Variants in PDE1A observed in about 807,000 individuals in gnomAD.
PDE1A encodes phosphodiesterase 1A.
Under a neutral mutation model 61.7 loss-of-function variants are expected in PDE1A, and 35 were observed. That is an observed-to-expected ratio of 0.57 (90% CI 0.43 to 0.75). The LOEUF is 0.75. PDE1A is among the 30% of genes least tolerant of loss of function. PDE1A has a pLI of 0.00. For missense variants in PDE1A, 597 were observed against 630.6 expected, an observed-to-expected ratio of 0.95 and a Z score of 0.57; for synonymous variants, 232 against 213.2, an observed-to-expected ratio of 1.09 and a Z score of -0.77.
chr2:182,635,496 G>GAAAAATATT, the PDE1A span, among the ~76,000 whole-genome samples: 1 of 151,964 alleles, frequency 6.6e-6, no homozygotes, highest in Non-Finnish European at 1.5e-5. Context: ...TTTATCAAAT[G>GAAAAATATT]AAAAATATTT....
chr2:182,215,010 G>T (rs1342717797), intron 7 of PDE1A, among the ~76,000 whole-genome samples: 2 of 77,028 alleles, frequency 2.6e-5, no homozygotes, highest in African/African-American at 1.0e-4. Context: ...ACCACATACT[G>T]GGAAGTAAAG....
chr2:182,451,477 G>C (rs13387691), intron 2 of PDE1A, among the ~76,000 whole-genome samples: 4 of 151,892 alleles, frequency 2.6e-5, no homozygotes, highest in African/African-American at 9.7e-5. Flanking sequence ...ACACTCCCCA[G>C]ATCTATTTCT....
chr2:182,385,625 GA>G (rs1700987862), intron 1 of PDE1A, among the ~76,000 whole-genome samples: 8 of 70,122 alleles, frequency 1.1e-4, no homozygotes, highest in Admixed American at 3.3e-4. Context: ...GAAACAGAAA[GA>G]AAGAAAGAAA....
At chr2:182,622,866 G>A in the PDE1A span, among the ~76,000 whole-genome samples, 456 of 152,258 alleles carry the variant, frequency 3.0e-3, 3 homozygotes, top group African/African-American at 0.01. Context: ...ACAGATTCAA[G>A]GACATATTCA....
chr2:182,306,286 AG>A, intron 1 of PDE1A, among the ~76,000 whole-genome samples: 1 of 152,292 alleles, frequency 6.6e-6, no homozygotes, highest in South Asian at 2.1e-4. Context: ...GTCATGCTGC[AG>A]TGAACATGGG....
At chr2:182,246,401 C>CTTTTTTTTTTTTTTTTTTTT in intron 2 of PDE1A, among the ~76,000 whole-genome samples, 1 of 61,514 alleles carries the variant, frequency 1.6e-5, no homozygotes. Flanking sequence ...TTTCTTTTTT[C>CTTTTTTTTTTTTTTTTTTTT]TTTCTTTTTT....
chr2:182,209,976 G>C (rs1221450092), intron 7 of PDE1A, among the ~76,000 whole-genome samples: 1 of 152,156 alleles, frequency 6.6e-6, no homozygotes, highest in African/African-American at 2.4e-5. Context: ...CCGATTGATA[G>C]CTAATTTCCT....
At chr2:182,591,925 C>G in the PDE1A span, among the ~76,000 whole-genome samples, 58 of 152,204 alleles carry the variant, frequency 3.8e-4, no homozygotes, top group Non-Finnish European at 3.1e-4. Flanking sequence ...GGACACCTAC[C>G]AGTGCTCATC....
intron 2 of PDE1A, among the ~76,000 whole-genome samples, chr2:182,255,758 A>G (rs1240533244): frequency 6.6e-6 from 1 of 150,850 alleles, no homozygotes; most frequent in South Asian, 2.1e-4. Flanking sequence ...CCTGAGTTCA[A>G]GCGATTCTCC....
chr2:182,389,099 T>A (rs181631063), intron 1 of PDE1A, among the ~76,000 whole-genome samples: 51 of 152,264 alleles, frequency 3.3e-4, no homozygotes, highest in Non-Finnish European at 6.6e-4. Flanking sequence ...ATAAGTTCAA[T>A]CAAGTTCAAG....
At chr2:182,178,471 T>G (rs1053276594) in intron 13 of PDE1A, among the ~76,000 whole-genome samples, 22 of 152,150 alleles carry the variant, frequency 1.4e-4, no homozygotes, top group African/African-American at 5.1e-4. Flanking sequence ...TTCAAGAGAC[T>G]TAGACAGTTA....
intron 2 of PDE1A, among the ~76,000 whole-genome samples, chr2:182,253,197 G>T (rs1691527183): frequency 6.6e-6 from 1 of 152,172 alleles, no homozygotes; most frequent in African/African-American, 2.4e-5. Context: ...TGAAGAACAT[G>T]AATTTGGAGC....
chr2:182,349,785 C>T (rs1698751842), intron 1 of PDE1A, among the ~76,000 whole-genome samples: 1 of 152,046 alleles, frequency 6.6e-6, no homozygotes, highest in African/African-American at 2.4e-5. Flanking sequence ...CAAAAGCACA[C>T]AAACATAAAG....
the PDE1A span, among the ~76,000 whole-genome samples, chr2:182,648,847 A>G: frequency 6.6e-6 from 1 of 152,234 alleles, no homozygotes; most frequent in African/African-American, 2.4e-5. Flanking sequence ...TTTATCATCT[A>G]TACAAAAGAA....
chr2:182,251,925 T>C (rs2623421), intron 2 of PDE1A, among the ~76,000 whole-genome samples: 11,794 of 152,148 alleles, frequency 0.078, 1,250 homozygotes, highest in African/African-American at 0.24. Flanking sequence ...AATGTGTCCT[T>C]AGTAGAGCAG....
intron 7 of PDE1A, among the ~76,000 whole-genome samples, chr2:182,206,979 T>C (rs1687159263): frequency 6.6e-6 from 1 of 152,184 alleles, no homozygotes; most frequent in African/African-American, 2.4e-5. Context: ...ATCAAACCTC[T>C]TTTCTTGATA....
At position 182,287,477 on chromosome 2, in the gene PDE1A, G is replaced by A. The variant is rs139763551; in HGVS notation, c.54-23063C>T. 7.3e-3 allele frequency among the ~76,000 whole-genome samples: 1,111 copies of A among 152,200 alleles called. 9 individuals carry two copies. The highest frequency in any genetic ancestry group is 0.014 in the Middle Eastern group (4 of 294). Reference sequence around the variant, plus strand: ...TCCACATGCAGACAGAGATCCTTGAGTGTTTTATTCCCCACTGAACTCTAT... The same window carrying A: ...TCCACATGCAGACAGAGATCCTTGAATGTTTTATTCCCCACTGAACTCTAT... On this transcript the variant is annotated intron_variant, in intron 1 of 13. Transcript: ENST00000351439.
intron 2 of PDE1A, among the ~76,000 whole-genome samples, chr2:182,434,368 G>GT (rs1428004539): frequency 6.6e-6 from 1 of 152,052 alleles, no homozygotes; most frequent in African/African-American, 2.4e-5. Flanking sequence ...TTGTTCTGCT[G>GT]TAACAGAATA....
intron 1 of PDE1A, among the ~76,000 whole-genome samples, chr2:182,309,746 A>G (rs1173668611): frequency 1.3e-5 from 2 of 152,298 alleles, no homozygotes; most frequent in South Asian, 4.1e-4. Context: ...TGCATGAAAT[A>G]CAACTGATGG....
Sources: allele counts gnomAD v4.1 joint callset (sites outside exome capture counted in the v4.1 genomes callset), GRCh38; gene constraint gnomAD v4.1.1; transcripts MANE v1.5; gene names NCBI Gene and HGNC (gene_info 2026-07-23, HGNC 2026-07-21).